The following CACNA2D3 variants were observed in gnomAD, a reference collection of about 807,000 sequenced individuals.
CACNA2D3 encodes voltage-dependent calcium channel subunit alpha-2/delta-3.
A neutral mutation model predicts 160.6 loss-of-function variants in CACNA2D3; 60 were observed. That is an observed-to-expected ratio of 0.37 (90% CI 0.30 to 0.46). The LOEUF is 0.46. Among genes scored for constraint, CACNA2D3 ranks in the 20% least tolerant of loss-of-function variants. The probability of loss-of-function intolerance (pLI) is 1.00; values close to 1 mark genes in which losing one functional copy is unlikely to be tolerated. For synonymous variants in CACNA2D3, 558 were observed against 492.9 expected (o/e 1.13, Z -1.75); for missense variants, 1,205 against 1,365.0 (o/e 0.88, Z 1.85).
chr3:54,763,418 A>G (rs1230309104), intron 12 of CACNA2D3, among the ~76,000 whole-genome samples: 1 of 152,100 alleles, frequency 6.6e-6, no homozygotes, highest in Non-Finnish European at 1.5e-5. Context: ...AGCAAATTTT[A>G]TGGCACCTAG....
At chr3:54,717,889 G>C (rs1429282047) in intron 11 of CACNA2D3, among the ~76,000 whole-genome samples, 1 of 151,246 alleles carries the variant, frequency 6.6e-6, no homozygotes, top group Admixed American at 6.6e-5. Context: ...GTGTGTGTGC[G>C]TGTGTGTGTT....
chr3:54,660,398 G>A (rs1699947179), intron 11 of CACNA2D3, among the ~76,000 whole-genome samples: 1 of 152,114 alleles, frequency 6.6e-6, no homozygotes, highest in Admixed American at 6.5e-5. Context: ...CTGACCTTGT[G>A]ATCCACCCGC....
At chr3:54,562,988 T>A in intron 6 of CACNA2D3, 57 bp downstream of exon 6, 2 of 1,518,398 alleles carry the variant, frequency 1.3e-6, no homozygotes, top group Non-Finnish European at 1.8e-6. Flanking sequence ...GATAATGTGG[T>A]ATTTTTCTTT....
At chr3:54,170,901 A>G (rs181834020) in intron 2 of CACNA2D3, among the ~76,000 whole-genome samples, 1 of 152,252 alleles carries the variant, frequency 6.6e-6, no homozygotes, top group East Asian at 1.9e-4. Flanking sequence ...TTTAAACTAA[A>G]AAAAAAATGA....
intron 3 of CACNA2D3, among the ~76,000 whole-genome samples, chr3:54,378,840 T>G (rs1027326937): frequency 3.3e-5 from 5 of 152,238 alleles, no homozygotes; most frequent in African/African-American, 1.2e-4. Flanking sequence ...CTTCAGCAGC[T>G]TTGCAAATGT....
chr3:55,074,410 C>T lies in CACNA2D3; in HGVS notation c.*204C>T, dbSNP rs1423270797. On this transcript the variant is annotated 3_prime_UTR_variant, in exon 38 of 38. Coordinates refer to ENST00000474759, the MANE Select transcript of CACNA2D3 (RefSeq NM_018398.3). ...GTTATCTATCATCTTTTTACTTTGC[C>T]AGTCATGCAAATGTGAGTTTGCCAC... 3.5e-6 allele frequency: 2 copies of T among 567,486 alleles called. No homozygotes were observed. The highest frequency in any genetic ancestry group is 3.8e-5 in the African/African-American group (2 of 52,936). The allele number at this position is 567,486 out of a possible 1,614,324, so 35.2% of individuals were successfully genotyped here.
intron 4 of CACNA2D3, among the ~76,000 whole-genome samples, chr3:54,431,252 G>A (rs909306295): frequency 2.0e-5 from 3 of 151,426 alleles, no homozygotes; most frequent in Admixed American, 6.6e-5. Context: ...CAGGAAAATC[G>A]CTTGAATCCA....
chr3:54,545,244 C>T (rs1702043128), intron 5 of CACNA2D3, among the ~76,000 whole-genome samples: 1 of 152,144 alleles, frequency 6.6e-6, no homozygotes. Context: ...AAAAATATTT[C>T]CAACCCTTGA....
At chr3:54,227,081 A>G (rs1213404682) in intron 2 of CACNA2D3, among the ~76,000 whole-genome samples, 3 of 152,240 alleles carry the variant, frequency 2.0e-5, no homozygotes, top group African/African-American at 7.2e-5. Flanking sequence ...GCAGACCGGC[A>G]GGGTCATTGT....
intron 11 of CACNA2D3, among the ~76,000 whole-genome samples, chr3:54,698,519 T>C (rs1700706588): frequency 6.6e-6 from 1 of 152,180 alleles, no homozygotes; most frequent in Non-Finnish European, 1.5e-5. Flanking sequence ...TTGATACTCA[T>C]TTTGATATGT....
intron 35 of CACNA2D3, among the ~76,000 whole-genome samples, chr3:55,020,206 C>G (rs181675401): frequency 2.1e-4 from 31 of 150,778 alleles, no homozygotes; most frequent in African/African-American, 7.5e-4. Flanking sequence ...ATATAAAATA[C>G]TTCTAAATTT....
At chr3:54,835,164 C>T (rs567700008) in intron 14 of CACNA2D3, among the ~76,000 whole-genome samples, 3 of 152,148 alleles carry the variant, frequency 2.0e-5, no homozygotes, top group East Asian at 1.9e-4. Flanking sequence ...TTACTTGTCA[C>T]GGAGGGATAT....
intron 13 of CACNA2D3, 88 bp downstream of exon 13, chr3:54,764,439 C>G: frequency 6.7e-7 from 1 of 1,494,306 alleles, no homozygotes. Context: ...CTGTATCACT[C>G]TTATTTTTTG....
intron 4 of CACNA2D3, among the ~76,000 whole-genome samples, chr3:54,490,772 G>A (rs865885329): frequency 5.9e-5 from 9 of 152,312 alleles, no homozygotes; most frequent in Middle Eastern, 6.8e-3. Flanking sequence ...GAACCCGCCA[G>A]TTTCCCCCAT....
intron 11 of CACNA2D3, among the ~76,000 whole-genome samples, chr3:54,670,455 T>C (rs1700139290): frequency 6.6e-6 from 1 of 152,156 alleles, no homozygotes; most frequent in Non-Finnish European, 1.5e-5. Context: ...GTTGGCATTT[T>C]CCCTTTACAG....
In CACNA2D3 at chr3:54,810,565, A is replaced by G. The variant is rs370914904; in HGVS notation, c.1381-6288A>G. Among the ~76,000 whole-genome samples the G allele has an allele frequency of 1.4e-4, 21 of 152,364 alleles. No individual in the cohort carries two copies. The East Asian group carries it at 3.7e-3, about 27-fold the overall frequency. On this transcript the variant is annotated intron_variant, in intron 13 of 37. Coordinates refer to ENST00000474759, the MANE Select transcript of CACNA2D3 (RefSeq NM_018398.3). Reference sequence around the variant, plus strand: ...GCAAGCAGGGATTGATCATTCATTCATGAGGCCCGAGGCAAAGGGCCAGTT... The same window carrying G: ...GCAAGCAGGGATTGATCATTCATTCGTGAGGCCCGAGGCAAAGGGCCAGTT...
chr3:54,222,829 A>G (rs1470792892), intron 2 of CACNA2D3, among the ~76,000 whole-genome samples: 1 of 152,196 alleles, frequency 6.6e-6, no homozygotes, highest in Admixed American at 6.5e-5. Flanking sequence ...TTTTTATTTT[A>G]AGGAATACGT....
At chr3:54,641,141 T>C (rs1699510345) in intron 10 of CACNA2D3, among the ~76,000 whole-genome samples, 1 of 152,220 alleles carries the variant, frequency 6.6e-6, no homozygotes, top group African/African-American at 2.4e-5. Context: ...CAAGGGGTCC[T>C]GAGAGCATAT....
chr3:54,945,438 C>T (rs1701588289), intron 27 of CACNA2D3, among the ~76,000 whole-genome samples: 1 of 152,182 alleles, frequency 6.6e-6, no homozygotes, highest in Non-Finnish European at 1.5e-5. Context: ...CCAGCCCAGG[C>T]ATGTATCTCT....
Sources: gnomAD v4.1 joint callset for allele counts (sites outside exome capture counted in the v4.1 genomes callset) on GRCh38, gnomAD v4.1.1 for gene constraint, MANE v1.5 for transcripts, NCBI Gene and HGNC (gene_info 2026-07-23, HGNC 2026-07-21) for gene names.